Variants in HEATR4 observed in about 807,000 individuals in gnomAD.
The protein encoded by HEATR4 is HEAT repeat-containing protein 4.
Under a neutral mutation model 108.8 loss-of-function variants are expected in HEATR4, and 95 were observed. The ratio of observed to expected loss-of-function variants is 0.87; its 90% CI spans 0.74 to 1.04. The LOEUF (loss-of-function observed/expected upper bound fraction) is 1.04, where lower values mean the gene tolerates loss of function less well. Among genes scored for constraint, HEATR4 ranks in the 50% least tolerant of loss-of-function variants. HEATR4 has a pLI of 0.00. For synonymous variants in HEATR4, 443 were observed against 459.4 expected, an observed-to-expected ratio of 0.96 and a Z score of 0.46; for missense variants, 1,152 against 1,253.8, an observed-to-expected ratio of 0.92 and a Z score of 1.23.
intron 16 of HEATR4, among the ~76,000 whole-genome samples, chr14:73,494,849 C>T (rs1471369970): frequency 6.6e-6 from 1 of 152,160 alleles, no homozygotes; most frequent in Non-Finnish European, 1.5e-5. Context: ...GTGTGCGCCA[C>T]CACGCCCAAC....
chr14:73,535,876 T>TA lies in HEATR4; in HGVS notation c.-151-5633dup, dbSNP rs1373006071. On this transcript the variant is annotated intron_variant, in intron 1 of 17. Transcript: ENST00000553558. ...TCAGCCTCCAAGTAAACTGGGATTA[T>TA]AGGCGTGAGCCACCTCACCCAACTT... Among the ~76,000 whole-genome samples the TA allele has an allele frequency of 1.7e-5, 2 of 116,386 alleles. 1 individual carries two copies. Among genetic ancestry groups the TA allele is most frequent in the Admixed American group, 1.9e-4 (2 of 10,392 alleles). The allele number at this position is 116,386 out of a possible 152,430, so 76.4% of individuals were successfully genotyped here.
the HEATR4 span, chr14:73,592,025 C>G: frequency 1.4e-4 from 196 of 1,444,846 alleles, 3 homozygotes; most frequent in South Asian, 2.4e-3. Context: ...TGCGCATTGC[C>G]GTGCGCGGCC....
intron 1 of HEATR4, among the ~76,000 whole-genome samples, chr14:73,540,756 TTTTTTGA>T (rs1378415763): frequency 2.6e-5 from 3 of 117,532 alleles, no homozygotes; most frequent in Non-Finnish European, 1.8e-5. Flanking sequence ...TTTTTTTTTT[TTTTTTGA>T]GACAGTGTCT....
chr14:73,580,389 G>A, the HEATR4 span, among the ~76,000 whole-genome samples: 41 of 152,080 alleles, frequency 2.7e-4, no homozygotes, highest in Non-Finnish European at 5.4e-4. Flanking sequence ...GTAGAACGGT[G>A]CAGCTGCTCG....
At position 73,495,324 on chromosome 14, in the gene HEATR4, C is replaced by T. The variant is rs562665737; in HGVS notation, c.2689G>A (p.Gly897Arg). The part of the protein sequence containing the change: ...HKILKLEMVM[G>R]KVREEAKRVY... Reference sequence around the variant, plus strand: ...CGTTTTGCTTCCTCCCTCACTTTTCCCATGACCATCTCCAGCTTGAGTATT... The same window carrying T: ...CGTTTTGCTTCCTCCCTCACTTTTCTCATGACCATCTCCAGCTTGAGTATT... Residue 897 changes from glycine to arginine, a missense_variant, in exon 16 of 18, where the codon GGA becomes AGA. Physicochemically the swap from Gly to Arg is moderately radical, Grantham distance 125 (BLOSUM62 -2). Transcript: ENST00000553558. The T allele has an allele frequency of 2.3e-5, 37 of 1,614,012 alleles. No homozygotes were observed. The South Asian group carries it at 3.7e-4, about 16-fold the overall frequency.
At chr14:73,574,588 G>C in the HEATR4 span, among the ~76,000 whole-genome samples, 1 of 151,970 alleles carries the variant, frequency 6.6e-6, no homozygotes, top group Non-Finnish European at 1.5e-5. Context: ...TGTTGATGAT[G>C]ACTCAGTTTA....
At chr14:73,478,869 G>A (rs1445953344) in intron 17 of HEATR4, 27 bp from the exon 18 acceptor site, 46 of 1,549,540 alleles carry the variant, frequency 3.0e-5, no homozygotes, top group Non-Finnish European at 3.9e-5. Context: ...AAACATGAGT[G>A]CATATGCCAA....
At chr14:73,574,543 G>A in the HEATR4 span, 122 of 411,072 alleles carry the variant, frequency 3.0e-4, no homozygotes, top group East Asian at 8.0e-4. Flanking sequence ...GATTACAGGC[G>A]TCAGCCACCA....
intron 3 of HEATR4, among the ~76,000 whole-genome samples, chr14:73,521,465 AG>A (rs750684153): frequency 1.9e-4 from 29 of 152,336 alleles, no homozygotes; most frequent in Non-Finnish European, 3.5e-4. Context: ...AGCTCCTTAA[AG>A]GTACATATCT....
At chr14:73,573,297 G>A in the HEATR4 span, 1 of 1,578,224 alleles carries the variant, frequency 6.3e-7, no homozygotes, top group Non-Finnish European at 8.7e-7. Context: ...GGATTGCTGG[G>A]TCACATGTGT....
the HEATR4 span, among the ~76,000 whole-genome samples, chr14:73,576,125 T>G: frequency 6.6e-6 from 1 of 151,866 alleles, no homozygotes; most frequent in African/African-American, 2.4e-5. Context: ...GAAAAGATTG[T>G]GCTACTACCC....
At chr14:73,572,464 A>C in the HEATR4 span, among the ~76,000 whole-genome samples, 2 of 152,062 alleles carry the variant, frequency 1.3e-5, no homozygotes, top group African/African-American at 4.8e-5. Flanking sequence ...AGGCAAAATA[A>C]AATATTAAGG....
intron 17 of HEATR4, among the ~76,000 whole-genome samples, chr14:73,483,705 G>A (rs565784571): frequency 6.6e-6 from 1 of 152,248 alleles, no homozygotes; most frequent in Non-Finnish European, 1.5e-5. Context: ...TAAAATGGAT[G>A]ATGGTAGTTA....
In HEATR4 at chr14:73,492,019, G is replaced by T. The variant is rs201606461; in HGVS notation, c.2844+1047C>A. 9.4e-5 allele frequency: 152 copies of T among 1,613,792 alleles called. No homozygotes were observed. Among genetic ancestry groups the T allele is most frequent in the Middle Eastern group, 3.3e-4 (2 of 6,084 alleles). On this transcript the variant is annotated intron_variant, in intron 17 of 17. Coordinates refer to ENST00000553558, the MANE Select transcript of HEATR4 (RefSeq NM_001220484.1). This position sits in a 1 kb window ranked among gnomAD's most constrained non-coding sequence, Gnocchi z 4.9. ...ACGTTTACCTCACGCCCCCTAACTC[G>T]CAGGGCTTTGCCCCCCACTACGACG...
At chr14:73,594,401 TAC>T in the HEATR4 span, among the ~76,000 whole-genome samples, 1 of 151,478 alleles carries the variant, frequency 6.6e-6, no homozygotes, top group Non-Finnish European at 1.5e-5. Context: ...CAGTCAGACC[TAC>T]CTGAATGTGG....
At position 73,544,782 on chromosome 14, in the gene HEATR4, A is replaced by AG. The variant is rs1159701374; in HGVS notation, c.-152+13968_-152+13969insC. 1.8e-5 allele frequency among the ~76,000 whole-genome samples: 2 copies of AG among 112,506 alleles called. 1 individual carries two copies. The highest frequency in any genetic ancestry group is 3.9e-5 in the Non-Finnish European group (2 of 51,750). 73.8% of individuals were successfully genotyped at this position (112,506 alleles called of 152,430 possible). ...CAAAACCCCGTCTCTACAAACAAAT[A>AG]CCAGACATTGTGGCGGATGCCTGTA... On this transcript the variant is annotated intron_variant, in intron 1 of 17. Transcript: ENST00000553558.
the HEATR4 span, chr14:73,633,693 T>A: frequency 6.6e-6 from 1 of 152,170 alleles, no homozygotes; most frequent in Non-Finnish European, 1.5e-5. Flanking sequence ...TCGCCACACG[T>A]CCGGGGTAAA....
At chr14:73,545,175 C>T (rs191449292) in intron 1 of HEATR4, among the ~76,000 whole-genome samples, 2 of 106,470 alleles carry the variant, frequency 1.9e-5, no homozygotes, top group African/African-American at 6.0e-5. Context: ...TCTCCCACCT[C>T]GGCCTCCCTA....
At chr14:73,502,116 A>T (rs768376828) in intron 11 of HEATR4, among the ~76,000 whole-genome samples, 42 of 148,760 alleles carry the variant, frequency 2.8e-4, no homozygotes, top group Non-Finnish European at 5.6e-4. Flanking sequence ...CTGGTCTCGA[A>T]CTCCTGGGCT....
Sources: gnomAD v4.1 joint callset for allele counts (sites outside exome capture counted in the v4.1 genomes callset) on GRCh38, gnomAD v4.1.1 for gene constraint, Gnocchi (gnomAD v3.1) non-coding constraint, MANE v1.5 for transcripts, NCBI Gene and HGNC (gene_info 2026-07-23, HGNC 2026-07-21) for gene names.